The following CLASP1 variants were observed in gnomAD, a reference collection of about 807,000 sequenced individuals.
The protein encoded by CLASP1 is CLIP-associating protein 1.
CLASP1 carries 38 observed loss-of-function variants against 192.3 expected under a neutral mutation model. That is an observed-to-expected ratio of 0.20 (90% CI 0.15 to 0.26). The LOEUF is 0.26. Ranked by LOEUF, CLASP1 falls within the 10% of genes least tolerant of loss-of-function variation. The pLI is 1.00. For synonymous variants in CLASP1, 691 were observed against 712.8 expected (o/e 0.97, Z 0.49); for missense variants, 1,433 against 1,932.5 (o/e 0.74, Z 4.85).
intron 1 of CLASP1, among the ~76,000 whole-genome samples, chr2:121,609,540 T>A (rs2064917934): frequency 1.3e-5 from 2 of 152,194 alleles, no homozygotes; most frequent in Admixed American, 1.3e-4. Flanking sequence ...GTTTTCTACA[T>A]CTCTATTTTC....
intron 1 of CLASP1, among the ~76,000 whole-genome samples, chr2:121,642,656 C>T (rs1269495515): frequency 2.0e-5 from 3 of 151,968 alleles, no homozygotes; most frequent in South Asian, 2.1e-4. Context: ...CGCTTGAATC[C>T]GGGAGGCGGA....
chr2:121,536,665 T>C (rs1559553184), intron 2 of CLASP1, among the ~76,000 whole-genome samples: 1 of 152,214 alleles, frequency 6.6e-6, no homozygotes, highest in African/African-American at 2.4e-5. Context: ...GAAGGCATTA[T>C]GTGGAATAAA....
intron 24 of CLASP1, chr2:121,408,945 G>T (rs917345104): frequency 6.2e-6 from 7 of 1,127,042 alleles, no homozygotes; most frequent in Admixed American, 2.4e-5. Flanking sequence ...TACATTTTTT[G>T]GTTTTCACTA....
In CLASP1 at chr2:121,447,322, CA is replaced by C; in HGVS notation, c.1912+14del. On this transcript the variant is annotated intron_variant, in intron 19 of 39. Transcript: ENST00000263710. ...GAGCAGTGCAGGAGGGAAAGGGTGACAGGGGTGTGGTTACCTAAGGATGCGT... is the reference window on the plus strand; with the variant it reads ...GAGCAGTGCAGGAGGGAAAGGGTGACGGGGTGTGGTTACCTAAGGATGCGT... 5 of 1,583,844 alleles carry C rather than the reference CA, an allele frequency of 3.2e-6. No homozygotes were observed. The highest frequency in any genetic ancestry group is 4.3e-6 in the Non-Finnish European group (5 of 1,165,170).
Position 121,368,447 on chromosome 2 carries a change from AT to A in CLASP1, c.3643-617del, listed in dbSNP as rs1055986561. ...AGAACAGGACTTTAGTATTTCCCAA[AT>A]TTTTTTTTTTTCCCTAGTATATTCT... On this transcript the variant is annotated intron_variant, in intron 34 of 39. Coordinates refer to ENST00000263710, the Ensembl canonical transcript of CLASP1. Among the ~76,000 whole-genome samples the A allele has an allele frequency of 1.6e-3, 243 of 147,586 alleles. 1 individual carries two copies. The highest frequency in any genetic ancestry group is 4.5e-3 in the African/African-American group (182 of 40,484).
chr2:121,529,836 C>T (rs1269809605), intron 3 of CLASP1, among the ~76,000 whole-genome samples: 1 of 152,120 alleles, frequency 6.6e-6, no homozygotes, highest in Admixed American at 6.5e-5. Flanking sequence ...TAAAGGGGAC[C>T]GGGGTCAGGG....
intron 1 of CLASP1, among the ~76,000 whole-genome samples, chr2:121,645,499 G>T (rs1307767843): frequency 1.3e-5 from 2 of 152,164 alleles, no homozygotes; most frequent in African/African-American, 4.8e-5. Flanking sequence ...TCTACATTAG[G>T]ATACATTTGT....
chr2:121,445,620 GTTTT>G, intron 19 of CLASP1: 1 of 450,530 alleles, frequency 2.2e-6, no homozygotes, highest in Non-Finnish European at 3.9e-6. Context: ...ATTTTTTGGT[GTTTT>G]TGTTTGGGGA....
intron 1 of CLASP1, among the ~76,000 whole-genome samples, chr2:121,615,776 T>C (rs769664231): frequency 2.8e-4 from 43 of 151,902 alleles, no homozygotes; most frequent in Non-Finnish European, 4.7e-4. Flanking sequence ...AAAGCAAGAC[T>C]CTGTCTCAAA....
At chr2:121,596,173 A>C (rs1421569359) in intron 2 of CLASP1, among the ~76,000 whole-genome samples, 3 of 152,100 alleles carry the variant, frequency 2.0e-5, no homozygotes, top group Non-Finnish European at 2.9e-5. Context: ...ATCCATATAA[A>C]TTTTCTTGAC....
At chr2:121,500,646 A>T (rs2150232495) in intron 8 of CLASP1, among the ~76,000 whole-genome samples, 1 of 152,304 alleles carries the variant, frequency 6.6e-6, no homozygotes, top group East Asian at 1.9e-4. Flanking sequence ...CAGCAATTGA[A>T]CATTTTACTG....
intron 8 of CLASP1, among the ~76,000 whole-genome samples, chr2:121,474,831 T>A (rs2091397859): frequency 6.6e-6 from 1 of 152,186 alleles, no homozygotes; most frequent in Admixed American, 6.5e-5. Flanking sequence ...TTACTTACCC[T>A]TTGGAAACAA....
intron 32 of CLASP1, 48 bp from the exon 34 acceptor site, chr2:121,382,372 AAGGGG>A: frequency 4.1e-6 from 5 of 1,208,202 alleles, no homozygotes; most frequent in Non-Finnish European, 4.6e-6. Context: ...ACAAAAAGCA[AAGGGG>A]AGGGGAGGAG....
intron 39 of CLASP1, among the ~76,000 whole-genome samples, chr2:121,344,760 C>G (rs1414400874): frequency 1.3e-5 from 2 of 152,156 alleles, no homozygotes; most frequent in Non-Finnish European, 2.9e-5. Context: ...GCACCAGGTT[C>G]TGCCTGCCAG....
At chr2:121,498,074 G>C (rs963706685) in intron 8 of CLASP1, among the ~76,000 whole-genome samples, 3 of 152,094 alleles carry the variant, frequency 2.0e-5, no homozygotes, top group Admixed American at 1.3e-4. Flanking sequence ...TGCCCAGGCT[G>C]GTCTGGAACT....
At chr2:121,498,013 C>T (rs953376146) in intron 8 of CLASP1, among the ~76,000 whole-genome samples, 2 of 152,146 alleles carry the variant, frequency 1.3e-5, no homozygotes, top group Non-Finnish European at 2.9e-5. Context: ...GCGCACACCG[C>T]CACGCCCAGC....
At chr2:121,611,442 T>G (rs1429470082) in intron 1 of CLASP1, among the ~76,000 whole-genome samples, 122 of 49,908 alleles carry the variant, frequency 2.4e-3, no homozygotes, top group Admixed American at 3.2e-3. Flanking sequence ...TGGAGGATGA[T>G]GAGGAGTTAC....
chr2:121,407,496 A>G (rs1478122958), exon 25 of CLASP1: 1 of 1,613,958 alleles, frequency 6.2e-7, no homozygotes, highest in Non-Finnish European at 8.5e-7. Flanking sequence ...CTCTTCAGTA[A>G]GTTCTGCAGG....
chr2:121,613,315 A>G (rs2065911362), intron 1 of CLASP1, among the ~76,000 whole-genome samples: 1 of 152,204 alleles, frequency 6.6e-6, no homozygotes, highest in African/African-American at 2.4e-5. Context: ...CAGGGCCAAA[A>G]CAATAAAAGG....
Sources: gnomAD v4.1 joint callset for allele counts (sites outside exome capture counted in the v4.1 genomes callset) on GRCh38, gnomAD v4.1.1 for gene constraint, MANE v1.5 for transcripts, NCBI Gene and HGNC (gene_info 2026-07-23, HGNC 2026-07-21) for gene names.